Variants in NDUFV2 observed in about 807,000 individuals in gnomAD.
NDUFV2 encodes the protein NADH:ubiquinone oxidoreductase core subunit V2, also known as NADH dehydrogenase [ubiquinone] flavoprotein 2, mitochondrial.
Under a neutral mutation model 31.6 loss-of-function variants are expected in NDUFV2, and 18 were observed. The ratio of observed to expected loss-of-function variants is 0.57; its 90% CI spans 0.39 to 0.84. The LOEUF (loss-of-function observed/expected upper bound fraction) is 0.84, where lower values mean the gene tolerates loss of function less well. Among genes scored for constraint, NDUFV2 ranks in the 40% least tolerant of loss-of-function variants. The pLI, the probability that NDUFV2 is intolerant of heterozygous loss-of-function variation, is 0.00. For missense variants in NDUFV2, 314 were observed against 303.6 expected (o/e 1.03, Z -0.26); for synonymous variants, 83 against 99.8 (o/e 0.83, Z 1.01).
At chr18:9,124,669 A>T (rs1413228175) in intron 5 of NDUFV2, among the ~76,000 whole-genome samples, 1 of 151,876 alleles carries the variant, frequency 6.6e-6, no homozygotes, top group East Asian at 1.9e-4. Context: ...AGGATGGTCT[A>T]GATCTCCTGA....
chr18:9,119,563 G>T lies in NDUFV2; in HGVS notation c.273G>T (p.Gly91=), dbSNP rs1288037360. The T allele has an allele frequency of 6.2e-7, 1 of 1,613,542 alleles. No individual in the cohort carries two copies. The highest frequency in any genetic ancestry group is 2.2e-5 in the East Asian group (1 of 44,858). Residue 91 remains glycine (G), a synonymous_variant, in exon 4 of 8, where the codon GGG becomes GGT. Coordinates refer to ENST00000318388, the MANE Select transcript of NDUFV2 (RefSeq NM_021074.5). The part of the protein sequence containing the change: ...PVLDLAQRQN[G]WLPISAMNKV... ...TGGATTTAGCCCAAAGGCAGAATGG[G>T]TGGTTGCCCATCTCTGCTATGAACA...
intron 7 of NDUFV2, chr18:9,133,561 T>C (rs2078058886): frequency 2.0e-5 from 3 of 152,584 alleles, no homozygotes; most frequent in African/African-American, 7.2e-5. Context: ...ATAGTCTTTA[T>C]AATACATAAA....
chr18:9,117,106 G>A (rs1029242757), intron 1 of NDUFV2, among the ~76,000 whole-genome samples: 26 of 150,994 alleles, frequency 1.7e-4, no homozygotes, highest in African/African-American at 2.2e-4. Flanking sequence ...GCGCGATCTC[G>A]GCTCACTGCA....
At chr18:9,117,037 A>C (rs1416923733) in intron 1 of NDUFV2, among the ~76,000 whole-genome samples, 1 of 145,686 alleles carries the variant, frequency 6.9e-6, no homozygotes, top group South Asian at 2.1e-4. Flanking sequence ...TTCTGAAACT[A>C]CTTTTTTTTT....
chr18:9,102,819 C>T, intron 1 of NDUFV2, 22 bp downstream of exon 1: 2 of 1,545,630 alleles, frequency 1.3e-6, no homozygotes, highest in Non-Finnish European at 8.7e-7. Context: ...CAAGCTGAGC[C>T]CGGCGCTGCC....
chr18:9,104,242 A>G lies in NDUFV2; in HGVS notation c.54+1445A>G, dbSNP rs375477220. 5.2e-5 allele frequency: 84 copies of G among 1,612,660 alleles called. No homozygotes were observed. In the African/African-American group the frequency reaches 8.9e-4, roughly 17 times the overall value. ...CTGTTGGAGGTAAGGTGTGTTCCCA[A>G]ATGAAATAAGGGAGAGACAGGGGCC... On this transcript the variant is annotated intron_variant, in intron 1 of 7. Transcript: ENST00000318388.
intron 7 of NDUFV2, among the ~76,000 whole-genome samples, chr18:9,131,171 T>C (rs1481319229): frequency 6.6e-6 from 1 of 152,174 alleles, no homozygotes; most frequent in Non-Finnish European, 1.5e-5. Context: ...TGAAAATATA[T>C]TTACTCTTCA....
intron 4 of NDUFV2, among the ~76,000 whole-genome samples, chr18:9,121,694 G>T (rs538198134): frequency 6.6e-5 from 10 of 152,118 alleles, no homozygotes; most frequent in Non-Finnish European, 1.5e-4. Context: ...TATAAATCAC[G>T]ATAGACAAGG....
intron 1 of NDUFV2, among the ~76,000 whole-genome samples, chr18:9,112,051 C>T (rs867789497): frequency 3.5e-5 from 5 of 143,732 alleles, no homozygotes; most frequent in Middle Eastern, 3.7e-3. Context: ...GAGAATCTCG[C>T]TCTGTCGCCC....
At chr18:9,131,821 GAT>G (rs2078042814) in intron 7 of NDUFV2, among the ~76,000 whole-genome samples, 1 of 151,836 alleles carries the variant, frequency 6.6e-6, no homozygotes, top group South Asian at 2.1e-4. Flanking sequence ...TTAAGCATGA[GAT>G]ATCAGGAAAA....
chr18:9,124,596 C>T (rs957628019), intron 5 of NDUFV2, among the ~76,000 whole-genome samples: 2 of 151,568 alleles, frequency 1.3e-5, no homozygotes, highest in African/African-American at 4.8e-5. Flanking sequence ...CTACAGGTGC[C>T]CGCCACCACA....
chr18:9,104,974 G>A, intron 1 of NDUFV2: 4 of 1,554,652 alleles, frequency 2.6e-6, no homozygotes, highest in Non-Finnish European at 3.5e-6. Flanking sequence ...CTACAAAAAT[G>A]GAAAGGTATT....
chr18:9,133,503 T>C (rs539673659), intron 7 of NDUFV2: 1 of 152,444 alleles, frequency 6.6e-6, no homozygotes, highest in Non-Finnish European at 1.5e-5. Context: ...GTGGCTGCTA[T>C]GGCCATCCTG....
intron 5 of NDUFV2, among the ~76,000 whole-genome samples, chr18:9,123,937 T>C (rs1346459055): frequency 2.0e-5 from 3 of 152,362 alleles, no homozygotes; most frequent in Admixed American, 2.0e-4. Context: ...TCCCTAAATG[T>C]ATGAGACTAC....
chr18:9,132,752 G>A (rs140596021), intron 7 of NDUFV2, among the ~76,000 whole-genome samples: 1,602 of 152,278 alleles, frequency 0.011, 34 homozygotes, highest in African/African-American at 0.037. Context: ...ACGCACACCT[G>A]TAGTCCCAGC....
At chr18:9,105,104 C>G in intron 1 of NDUFV2, 1 of 1,079,228 alleles carries the variant, frequency 9.3e-7, no homozygotes, top group Non-Finnish European at 1.2e-6. Flanking sequence ...TGTTCTATTA[C>G]TTATACAACC....
At chr18:9,116,047 G>A (rs2077896294) in intron 1 of NDUFV2, among the ~76,000 whole-genome samples, 1 of 152,226 alleles carries the variant, frequency 6.6e-6, no homozygotes, top group Non-Finnish European at 1.5e-5. Context: ...TATGTTTTTA[G>A]TTACTAGTAA....
chr18:9,116,848 T>C (rs752159553), intron 1 of NDUFV2, among the ~76,000 whole-genome samples: 13 of 152,170 alleles, frequency 8.5e-5, no homozygotes, highest in Admixed American at 6.5e-4. Flanking sequence ...CTGTGGTTAG[T>C]AGAACTCAGA....
intron 7 of NDUFV2, 39 bp downstream of exon 7, chr18:9,126,946 C>T (rs1376044177): frequency 3.4e-6 from 5 of 1,481,140 alleles, no homozygotes; most frequent in Non-Finnish European, 4.7e-6. Flanking sequence ...TAGTGGCTCA[C>T]CTAAATTAAT....
Sources: allele counts gnomAD v4.1 joint callset (sites outside exome capture counted in the v4.1 genomes callset), GRCh38; gene constraint gnomAD v4.1.1; transcripts MANE v1.5; gene names NCBI Gene and HGNC (gene_info 2026-07-23, HGNC 2026-07-21).